Variants in HEXA observed in about 807,000 individuals in gnomAD.
HEXA encodes beta-hexosaminidase subunit alpha.
HEXA carries 54 observed loss-of-function variants against 73.3 expected under a neutral mutation model. The observed-to-expected ratio is 0.74, with a 90% CI of 0.59 to 0.92. The LOEUF (loss-of-function observed/expected upper bound fraction) is 0.92, where lower values mean the gene tolerates loss of function less well. HEXA is among the 40% of genes least tolerant of loss of function. The pLI is 0.00. For missense variants in HEXA, 649 were observed against 653.0 expected (o/e 0.99, Z 0.07); for synonymous variants, 230 against 246.9 (o/e 0.93, Z 0.64).
At chr15:72,352,820 T>A (rs2088718163) in intron 5 of HEXA, among the ~76,000 whole-genome samples, 2 of 152,130 alleles carry the variant, frequency 1.3e-5, no homozygotes, top group African/African-American at 4.8e-5. Context: ...TGCACCACCA[T>A]GCCCAGCTAA....
At chr15:72,357,267 A>C (rs957797721) in intron 1 of HEXA, 2 of 164,202 alleles carry the variant, frequency 1.2e-5, no homozygotes, top group Non-Finnish European at 2.7e-5. Flanking sequence ...TGACAGAAGG[A>C]TCAGGCAGAG....
Position 72,353,739 on chromosome 15 carries a change from T to C in HEXA, c.413-2A>G, listed in dbSNP as rs2088733862. On this transcript the variant is annotated splice_acceptor_variant, in intron 3 of 13. Transcript: ENST00000268097. LOFTEE classifies it high-confidence loss of function. ...CAAGCTGGCTAAAAGTCTCCAGACC[T>C]AGGAAGATGTAGAGAGGCAGAGTAA... The C allele has an allele frequency of 1.9e-6, 3 of 1,607,858 alleles. No homozygotes were observed. Among genetic ancestry groups the C allele is most frequent in the Non-Finnish European group, 2.6e-6 (3 of 1,174,338 alleles).
intron 1 of HEXA, chr15:72,362,306 C>A: frequency 3.4e-6 from 1 of 298,340 alleles, no homozygotes; most frequent in Middle Eastern, 4.1e-4. Context: ...TGTGATCATG[C>A]AGCAATGTAT....
intron 2 of HEXA, chr15:72,355,931 C>A (rs1308142886): frequency 2.0e-6 from 1 of 505,380 alleles, no homozygotes; most frequent in African/African-American, 1.9e-5. Flanking sequence ...GTTTCCACAG[C>A]AGAAAGATGA....
At chr15:72,364,979 G>A (rs2088897694) in intron 1 of HEXA, among the ~76,000 whole-genome samples, 2 of 151,986 alleles carry the variant, frequency 1.3e-5, no homozygotes, top group East Asian at 3.9e-4. Context: ...GCACCAGCAT[G>A]TCAGGCTAAT....
Position 72,349,108 on chromosome 15 carries a change from A to G in HEXA, c.957T>C (p.Leu319=), listed in dbSNP as rs373799508. The part of the protein sequence containing the change: ...SSVFPDFYLH[L]GGDEVDFTCW... ...AGGTGAAATCAACCTCATCTCCTCC[A>G]AGATGAAGATAAAAATCTGGGAAGA... Residue 319 remains leucine (L), a synonymous_variant, in exon 8 of 14, where the codon CTT becomes CTC. Transcript: ENST00000268097. 6.2e-7 allele frequency: 1 copy of G among 1,613,800 alleles called. No homozygotes were observed. The highest frequency in any genetic ancestry group is 8.5e-7 in the Non-Finnish European group (1 of 1,179,796).
chr15:72,366,298 C>T (rs1417099532), intron 1 of HEXA, among the ~76,000 whole-genome samples: 1 of 151,884 alleles, frequency 6.6e-6, no homozygotes, highest in Admixed American at 6.6e-5. Context: ...CTGATCACTT[C>T]TTTATTCACT....
At position 72,355,631 on chromosome 15, in the gene HEXA, T is replaced by C. The variant is rs1567300313; in HGVS notation, c.347-7A>G. 10 of 1,596,284 alleles carry C rather than the reference T, an allele frequency of 6.3e-6. No homozygotes were observed. The highest frequency in any genetic ancestry group is 6.9e-6 in the Non-Finnish European group (8 of 1,163,808). ...TCATTTATGGTCAGGGTATCTGAAA[T>C]GACAGAAATGAACTCATTTAGTTGG... On this transcript the variant is annotated splice_polypyrimidine_tract_variant and splice_region_variant and intron_variant, in intron 2 of 13. Coordinates refer to ENST00000268097, the MANE Select transcript of HEXA (RefSeq NM_000520.6).
rs2140324618 is a variant in HEXA, at chr15:72,351,124, G to C, written c.672+9C>G. 2 of 1,560,982 alleles carry C rather than the reference G, an allele frequency of 1.3e-6. No homozygotes were observed. The highest frequency in any genetic ancestry group is 1.8e-6 in the Non-Finnish European group (2 of 1,131,566). On this transcript the variant is annotated intron_variant, in intron 6 of 13. Transcript: ENST00000268097. The stretch of plus-strand genomic sequence containing the variant: ...CCATAAACTTGGTCTGAGTGAAACG[G>C]GAACATACCTTTCTCATGAGCTCTG...
intron 13 of HEXA, among the ~76,000 whole-genome samples, chr15:72,344,681 T>C (rs1441147244): frequency 6.6e-6 from 1 of 152,092 alleles, no homozygotes; most frequent in Non-Finnish European, 1.5e-5. Context: ...GCAACATGCT[T>C]AGAGAACCAG....
At chr15:72,350,929 G>C (rs1389078041) in intron 6 of HEXA, 2 of 638,192 alleles carry the variant, frequency 3.1e-6, no homozygotes, top group Non-Finnish European at 5.6e-6. Flanking sequence ...GGCCAGAAGA[G>C]ATTCTCTCCT....
rs2088561773 is a variant in HEXA at position 72,342,391 on chromosome 15, C to T, written c.*1686G>A. Reference sequence around the variant, plus strand: ...CTCAGATCCTTCTCAGCCCTGCCTTCCTGAAGTTTCTGTATCCACTACACT... The same window carrying T: ...CTCAGATCCTTCTCAGCCCTGCCTTTCTGAAGTTTCTGTATCCACTACACT... On this transcript the variant is annotated 3_prime_UTR_variant, in exon 14 of 14. Transcript: ENST00000268097. 6.6e-6 allele frequency: 1 copy of T among 152,148 alleles called. No homozygotes were observed. Among genetic ancestry groups the T allele is most frequent in the Non-Finnish European group, 1.5e-5 (1 of 68,040 alleles). 9.4% of individuals were successfully genotyped at this position (152,148 alleles called of 1,614,324 possible).
intron 1 of HEXA, among the ~76,000 whole-genome samples, chr15:72,369,494 A>AT (rs1458031666): frequency 2.4e-4 from 36 of 152,326 alleles, no homozygotes; most frequent in African/African-American, 7.5e-4. Flanking sequence ...CTGCAGAAAC[A>AT]TAAGAGTGAT....
At chr15:72,346,795 C>G in intron 10 of HEXA, 85 bp from the exon 11 acceptor site, 1 of 1,225,224 alleles carries the variant, frequency 8.2e-7, no homozygotes, top group South Asian at 1.2e-5. Context: ...CATGGGACAA[C>G]AGGTATGTGC....
At chr15:72,372,394 C>T (rs985482789) in intron 1 of HEXA, among the ~76,000 whole-genome samples, 1 of 151,686 alleles carries the variant, frequency 6.6e-6, no homozygotes, top group East Asian at 1.9e-4. Flanking sequence ...TAGACTTAGC[C>T]ACTTTACTTG....
chr15:72,357,843 G>A (rs2140329937), intron 1 of HEXA: 1 of 152,230 alleles, frequency 6.6e-6, no homozygotes, highest in Non-Finnish European at 1.5e-5. Context: ...AAGCCAATAA[G>A]GGGGCCTTTC....
chr15:72,359,215 A>C (rs1293140068), intron 1 of HEXA: 1 of 152,112 alleles, frequency 6.6e-6, no homozygotes, highest in Admixed American at 6.6e-5. Flanking sequence ...GCAGGGTGGG[A>C]CCAGATTCCA....
At chr15:72,355,924 T>G (rs1232878684) in intron 2 of HEXA, 1 of 514,086 alleles carries the variant, frequency 1.9e-6, no homozygotes, top group Non-Finnish European at 3.8e-6. Context: ...TGGGTCAGTT[T>G]CCACAGCAGA....
intron 13 of HEXA, 72 bp from the exon 14 acceptor site, chr15:72,344,212 T>C (rs754220115): frequency 9.9e-7 from 1 of 1,013,596 alleles, no homozygotes; most frequent in Non-Finnish European, 1.6e-6. Flanking sequence ...TTCACACCAG[T>C]CAACAGTCTC....
Sources: gnomAD v4.1 joint callset for allele counts (sites outside exome capture counted in the v4.1 genomes callset) on GRCh38, gnomAD v4.1.1 for gene constraint, MANE v1.5 for transcripts, NCBI Gene and HGNC (gene_info 2026-07-23, HGNC 2026-07-21) for gene names.